Variants in AGBL4 observed in about 807,000 individuals in gnomAD.
AGBL4 encodes the protein cytosolic carboxypeptidase 6.
Under a neutral mutation model 66.4 loss-of-function variants are expected in AGBL4, and 58 were observed. The ratio of observed to expected loss-of-function variants is 0.87; its 90% CI spans 0.71 to 1.09. The LOEUF is 1.09. Ranked by LOEUF, AGBL4 falls within the 50% of genes least tolerant of loss-of-function variation. AGBL4 has a pLI of 0.00. For missense variants in AGBL4, 579 were observed against 631.0 expected, an observed-to-expected ratio of 0.92 and a Z score of 0.88; for synonymous variants, 234 against 222.9, an observed-to-expected ratio of 1.05 and a Z score of -0.44.
At chr1:49,603,804 G>A (rs1320887546) in intron 3 of AGBL4, among the ~76,000 whole-genome samples, 6 of 152,014 alleles carry the variant, frequency 3.9e-5, no homozygotes, top group Admixed American at 3.3e-4. Context: ...TTGTAAGTGA[G>A]AACATGTAGT....
At position 48,708,672 on chromosome 1, in the gene AGBL4, G is replaced by T. The variant is rs957174083; in HGVS notation, c.635-45431C>A. Among the ~76,000 whole-genome samples the T allele has an allele frequency of 2.0e-5, 3 of 152,358 alleles. No individual in the cohort carries two copies. In the South Asian group the frequency reaches 6.2e-4, roughly 32 times the overall value. On this transcript the variant is annotated intron_variant, in intron 6 of 13. Transcript: ENST00000371839. ...TATCTGGGCTACCAAGTGTGGGACA[G>T]AATGGAAGGGCTGAGCCTAAAGCTC...
intron 5 of AGBL4, among the ~76,000 whole-genome samples, chr1:48,932,194 T>C (rs1655092084): frequency 6.6e-6 from 1 of 152,186 alleles, no homozygotes; most frequent in South Asian, 2.1e-4. Flanking sequence ...GTATGCAGGA[T>C]GGTACAGCAT....
At chr1:48,749,475 C>T (rs958041550) in intron 6 of AGBL4, among the ~76,000 whole-genome samples, 1 of 152,186 alleles carries the variant, frequency 6.6e-6, no homozygotes, top group Non-Finnish European at 1.5e-5. Flanking sequence ...AAGTAACTTG[C>T]CAGAAGTCAC....
At chr1:49,858,034 T>C (rs965111503) in intron 1 of AGBL4, among the ~76,000 whole-genome samples, 2 of 151,812 alleles carry the variant, frequency 1.3e-5, no homozygotes, top group Admixed American at 1.3e-4. Flanking sequence ...AAATAAAATA[T>C]CCTCATTAAA....
intron 5 of AGBL4, among the ~76,000 whole-genome samples, chr1:49,029,619 A>T (rs2149033201): frequency 6.6e-6 from 1 of 152,314 alleles, no homozygotes; most frequent in Middle Eastern, 3.4e-3. Context: ...ACTAATTTAC[A>T]GGTTCAGTGC....
intron 3 of AGBL4, among the ~76,000 whole-genome samples, chr1:49,646,475 A>T (rs1025349082): frequency 6.6e-6 from 1 of 151,936 alleles, no homozygotes; most frequent in Non-Finnish European, 1.5e-5. Context: ...AATAAATCTG[A>T]CAAAATATGT....
At chr1:49,631,111 T>C (rs1250075839) in intron 3 of AGBL4, among the ~76,000 whole-genome samples, 1 of 152,172 alleles carries the variant, frequency 6.6e-6, no homozygotes, top group Non-Finnish European at 1.5e-5. Flanking sequence ...TTCAGAGGGA[T>C]CTGCAGAGCC....
At chr1:48,561,737 G>A (rs1019964072) in intron 11 of AGBL4, among the ~76,000 whole-genome samples, 4 of 152,096 alleles carry the variant, frequency 2.6e-5, no homozygotes, top group Admixed American at 6.5e-5. Flanking sequence ...TTGGCTTTTG[G>A]ACAAGAACTG....
chr1:49,965,835 A>AT (rs1433371085), intron 1 of AGBL4, among the ~76,000 whole-genome samples: 1 of 152,068 alleles, frequency 6.6e-6, no homozygotes, highest in South Asian at 2.1e-4. Flanking sequence ...ATTTTATTAA[A>AT]TTTTTTTACA....
intron 1 of AGBL4, among the ~76,000 whole-genome samples, chr1:50,013,124 T>TA (rs1438108769): frequency 6.6e-6 from 1 of 152,164 alleles, no homozygotes; most frequent in East Asian, 1.9e-4. Flanking sequence ...AGTCAAAATG[T>TA]AAAATCTTCC....
At chr1:49,483,491 G>C (rs1038094163) in intron 3 of AGBL4, among the ~76,000 whole-genome samples, 2 of 151,576 alleles carry the variant, frequency 1.3e-5, no homozygotes, top group Admixed American at 6.6e-5. Flanking sequence ...AATTCATATA[G>C]AATGATACAA....
rs542838866 is a variant in AGBL4 at position 48,638,881 on chromosome 1, A to G, written c.840-4277T>C. 2.0e-5 allele frequency among the ~76,000 whole-genome samples: 3 copies of G among 152,298 alleles called. No individual in the cohort carries two copies. The South Asian group carries it at 6.2e-4, about 32-fold the overall frequency. On this transcript the variant is annotated intron_variant, in intron 8 of 13. Transcript: ENST00000371839. ...TATTATATAGTTCTCATGACCATTC[A>G]ATCACATGGTAAACCTCAATTTTCT...
intron 6 of AGBL4, chr1:48,761,578 G>T: frequency 8.5e-7 from 1 of 1,182,334 alleles, no homozygotes; most frequent in Non-Finnish European, 1.2e-6. Flanking sequence ...GGCCAGACCA[G>T]TTAAAAAGGA....
At chr1:48,587,995 T>C (rs1644851726) in intron 10 of AGBL4, among the ~76,000 whole-genome samples, 1 of 152,146 alleles carries the variant, frequency 6.6e-6, no homozygotes, top group Non-Finnish European at 1.5e-5. Flanking sequence ...GTGCTTTCAA[T>C]TGTATGATAT....
chr1:49,313,449 T>C (rs1644978830), intron 3 of AGBL4, among the ~76,000 whole-genome samples: 2 of 152,084 alleles, frequency 1.3e-5, no homozygotes, highest in South Asian at 2.1e-4. Flanking sequence ...GGAATCACCA[T>C]GCTGTCTTTC....
chr1:49,395,821 A>G (rs1644956753), intron 3 of AGBL4, among the ~76,000 whole-genome samples: 1 of 99,006 alleles, frequency 1.0e-5, no homozygotes, highest in Non-Finnish European at 1.9e-5. Context: ...GTATACATAT[A>G]TATATATGTG....
chr1:48,720,097 C>T (rs1188676847), intron 6 of AGBL4, among the ~76,000 whole-genome samples: 4 of 152,168 alleles, frequency 2.6e-5, no homozygotes, highest in Non-Finnish European at 5.9e-5. Flanking sequence ...TCACCAGGAA[C>T]CAGGCTTCTA....
At position 48,598,297 on chromosome 1, in the gene AGBL4, A is replaced by C. The variant is rs372371722; in HGVS notation, c.952-7312T>G. ...TCCCCTAAGCAATCACAGTACAGTC[A>C]TGCAACACTTACTGATGGAGATAAA... is the stretch of plus-strand genomic sequence containing the variant. On this transcript the variant is annotated intron_variant, in intron 9 of 13. Coordinates refer to ENST00000371839, the MANE Select transcript of AGBL4 (RefSeq NM_032785.4). Among the ~76,000 whole-genome samples, 15 of 152,338 alleles carry C rather than the reference A, an allele frequency of 9.8e-5. No individual in the cohort carries two copies. The East Asian group carries it at 2.7e-3, about 27-fold the overall frequency.
At chr1:49,689,012 A>G (rs1646837051) in intron 3 of AGBL4, among the ~76,000 whole-genome samples, 2 of 151,916 alleles carry the variant, frequency 1.3e-5, no homozygotes, top group South Asian at 2.1e-4. Context: ...ATTTTCTCCT[A>G]TTGTGTGAGT....
Sources: gnomAD v4.1 joint callset for allele counts (sites outside exome capture counted in the v4.1 genomes callset) on GRCh38, gnomAD v4.1.1 for gene constraint, MANE v1.5 for transcripts, NCBI Gene and HGNC (gene_info 2026-07-23, HGNC 2026-07-21) for gene names.